Variants in SERPINA9 observed in about 807,000 individuals in gnomAD.
SERPINA9 encodes serpin family A member 9, also known as serpin A9.
SERPINA9 carries 32 observed loss-of-function variants against 24.5 expected under a neutral mutation model. The observed-to-expected ratio is 1.30, with a 90% CI of 0.98 to 1.75. The LOEUF is 1.75. SERPINA9 is among the 40% of genes most tolerant of loss of function. The pLI is 0.00. For synonymous variants in SERPINA9, 233 were observed against 197.7 expected (o/e 1.18, Z -1.50); for missense variants, 594 against 497.1 (o/e 1.19, Z -1.85).
At position 94,467,273 on chromosome 14, in the gene SERPINA9, G is replaced by A. The variant is rs200406674; in HGVS notation, c.738C>T (p.Phe246=). 1.8e-5 allele frequency: 29 copies of A among 1,613,996 alleles called. No individual in the cohort carries two copies. The highest frequency in any genetic ancestry group is 6.7e-5 in the Admixed American group (4 of 59,992). Residue 246 remains phenylalanine, a synonymous_variant, in exon 3 of 5, where the codon TTC becomes TTT. Coordinates refer to ENST00000674397, the MANE Select transcript of SERPINA9 (RefSeq NM_175739.4). ...HVPMMHQKEQ[F]AFGVDTELNC... ...TCAGCTCTGTATCCACCCCAAAAGC[G>A]AACTGCTCTTTCTGGTGCATCATGG...
chr14:94,474,704 C>T (rs1172534014), intron 1 of SERPINA9, among the ~76,000 whole-genome samples: 5 of 152,096 alleles, frequency 3.3e-5, no homozygotes, highest in Admixed American at 3.3e-4. Context: ...GAGCGTTCGG[C>T]CAGGGGGCAC....
chr14:94,470,291 AGATCT>A, intron 1 of SERPINA9: 1 of 786,950 alleles, frequency 1.3e-6, no homozygotes, highest in Non-Finnish European at 1.5e-6. Context: ...CATTTTGTGT[AGATCT>A]GATTATTTTC....
chr14:94,473,986 C>T (rs559204516), intron 1 of SERPINA9, among the ~76,000 whole-genome samples: 1 of 152,232 alleles, frequency 6.6e-6, no homozygotes, highest in Admixed American at 6.5e-5. Flanking sequence ...GGGCAGGAGA[C>T]CAAAGCTGCA....
Position 94,469,253 on chromosome 14 carries a change from A to G in SERPINA9, c.588T>C (p.Leu196=), listed in dbSNP as rs781156608. 1.2e-6 allele frequency: 2 copies of G among 1,613,866 alleles called. No homozygotes were observed. The highest frequency in any genetic ancestry group is 4.5e-5 in the East Asian group (2 of 44,898). The part of the protein sequence containing the change: ...KVVDIIQGLD[L]LTAMVLVNHI... ...GGTTCACCAGAACCATGGCCGTCAG[A>G]AGGTCAAGGCCTTGGATTATGTCTA... The change falls in exon 2 of 5, where the codon CTT becomes CTC. Residue 196 remains leucine (L), a synonymous_variant. Coordinates refer to ENST00000674397, the MANE Select transcript of SERPINA9 (RefSeq NM_175739.4).
chr14:94,475,258 C>T (rs1052777466), intron 1 of SERPINA9, among the ~76,000 whole-genome samples: 1 of 152,192 alleles, frequency 6.6e-6, no homozygotes, highest in Non-Finnish European at 1.5e-5. Context: ...GGGTTCCCAA[C>T]CACCAGCCTT....
chr14:94,469,194 C>A lies in SERPINA9; in HGVS notation c.628+19G>T, dbSNP rs375689508. 104 of 1,581,582 alleles carry A rather than the reference C, an allele frequency of 6.6e-5. No individual in the cohort carries two copies. The African/African-American group carries it at 1.2e-3, about 18-fold the overall frequency. The stretch of plus-strand genomic sequence containing the variant: ...CATCATAAAATAAATAAATAAAAAT[C>A]AACTTCTCAAATCCTTACCTTTAAA... On this transcript the variant is annotated intron_variant, in intron 2 of 4. Transcript: ENST00000674397.
At chr14:94,474,082 G>A (rs1264708185) in intron 1 of SERPINA9, among the ~76,000 whole-genome samples, 7 of 152,204 alleles carry the variant, frequency 4.6e-5, no homozygotes, top group Admixed American at 2.6e-4. Flanking sequence ...TCATGACCAT[G>A]GGAGAGGAGA....
At chr14:94,466,444 C>G (rs1204642327) in intron 3 of SERPINA9, among the ~76,000 whole-genome samples, 2 of 152,204 alleles carry the variant, frequency 1.3e-5, no homozygotes, top group Admixed American at 1.3e-4. Flanking sequence ...CTTCTCTCTT[C>G]CCAGACTATG....
intron 1 of SERPINA9, among the ~76,000 whole-genome samples, chr14:94,475,678 C>T (rs183835091): frequency 2.6e-5 from 4 of 152,298 alleles, no homozygotes; most frequent in Admixed American, 2.6e-4. Flanking sequence ...TATCTCTTCT[C>T]TCCATCTCAG....
intron 2 of SERPINA9, among the ~76,000 whole-genome samples, chr14:94,468,387 G>A (rs1414949149): frequency 6.6e-6 from 1 of 151,828 alleles, no homozygotes; most frequent in Admixed American, 6.6e-5. Flanking sequence ...GAGGGAGGAA[G>A]GAAGGGAAGG....
At chr14:94,464,394 G>A (rs1178547697) in intron 4 of SERPINA9, 1 of 460,090 alleles carries the variant, frequency 2.2e-6, no homozygotes, top group African/African-American at 2.0e-5. Flanking sequence ...TGATGCCTGT[G>A]TGAGGGCCTA....
chr14:94,463,608 T>C (rs1409607362), intron 4 of SERPINA9, among the ~76,000 whole-genome samples: 1 of 152,220 alleles, frequency 6.6e-6, no homozygotes, highest in African/African-American at 2.4e-5. Context: ...TAAAAGGTAA[T>C]AATAACTGCA....
In SERPINA9 at chr14:94,467,593, G is replaced by A. The variant is rs76390590; in HGVS notation, c.629-211C>T. Among the ~76,000 whole-genome samples, 693 of 152,302 alleles carry A rather than the reference G, an allele frequency of 4.6e-3. 7 individuals carry two copies. Among genetic ancestry groups the A allele is most frequent in the African/African-American group, 0.016 (659 of 41,558 alleles). On this transcript the variant is annotated intron_variant, in intron 2 of 4. Coordinates refer to ENST00000674397, the MANE Select transcript of SERPINA9 (RefSeq NM_175739.4). ...TGGTGAATTTTATGACATGTGAATTGTATTTCAATTAAAAATAGAATTAGT... is the reference window on the plus strand; with the variant it reads ...TGGTGAATTTTATGACATGTGAATTATATTTCAATTAAAAATAGAATTAGT...
chr14:94,475,964 A>G lies in SERPINA9; in HGVS notation c.-18+172T>C, dbSNP rs554472256. The G allele has an allele frequency of 6.7e-6, 6 of 892,496 alleles. No homozygotes were observed. The Admixed American group carries it at 7.0e-5, about 10-fold the overall frequency. 55.3% of individuals were successfully genotyped at this position (892,496 alleles called of 1,614,324 possible). On this transcript the variant is annotated intron_variant, in intron 1 of 4. Transcript: ENST00000674397. ...TGGTCCACTCCAGCCTGGCTTCTGT[A>G]TCCACAAAAATGTGACCCAGATGCT...
chr14:94,473,100 C>A (rs1339114409), intron 1 of SERPINA9, among the ~76,000 whole-genome samples: 1 of 152,218 alleles, frequency 6.6e-6, no homozygotes, highest in Non-Finnish European at 1.5e-5. Flanking sequence ...CTGTGTTCCT[C>A]ATTGCTCTAC....
Position 94,469,693 on chromosome 14 carries a change from C to T in SERPINA9, c.148G>A (p.Asp50Asn), listed in dbSNP as rs544061591. 77 of 1,611,762 alleles carry T rather than the reference C, an allele frequency of 4.8e-5. No individual in the cohort carries two copies. The East Asian group carries it at 9.6e-4, about 20-fold the overall frequency. ...CTGCGGTATAGGCGGAAGGCAAAGT[C>T]GGTGTTGAGGGAATACACCTGTGAG... ...PASQVYSLNT[D>N]FAFRLYRRLV... Residue 50 changes from aspartate (D) to asparagine (N), a missense_variant, in exon 2 of 5, where the codon GAC (aspartate) becomes AAC (asparagine). Coordinates refer to ENST00000674397, the MANE Select transcript of SERPINA9 (RefSeq NM_175739.4).
Position 94,467,490 on chromosome 14 carries a change from G to GC in SERPINA9, c.629-109_629-108insG. On this transcript the variant is annotated intron_variant, in intron 2 of 4. Coordinates refer to ENST00000674397, the MANE Select transcript of SERPINA9 (RefSeq NM_175739.4). ...TCTAGTGGGTATGAGGTTTCTTTTT[G>GC]AGGTGACAAAAAAATGCTCTGATAT... is the stretch of plus-strand genomic sequence containing the variant. The GC allele has an allele frequency of 2.9e-6, 3 of 1,050,296 alleles. 1 individual carries two copies. The highest frequency in any genetic ancestry group is 4.1e-6 in the Non-Finnish European group (3 of 733,916). 65.1% of individuals were successfully genotyped at this position (1,050,296 alleles called of 1,614,324 possible). A position where few individuals can be genotyped will look rare whatever the true frequency, so the allele number is the denominator to read the frequency against.
chr14:94,469,318 T>A lies in SERPINA9; in HGVS notation c.523A>T (p.Ile175Phe). 6.2e-7 allele frequency: 1 copy of A among 1,614,202 alleles called. No individual in the cohort carries two copies. The highest frequency in any genetic ancestry group is 8.5e-7 in the Non-Finnish European group (1 of 1,180,028). Residue 175 changes from isoleucine to phenylalanine, a missense_variant, in exon 2 of 5, where the codon ATC (isoleucine) becomes TTC (phenylalanine). By Grantham distance (21) the Ile-to-Phe change is conservative (BLOSUM62 0). Coordinates refer to ENST00000674397, the MANE Select transcript of SERPINA9 (RefSeq NM_175739.4). Reference sequence around the variant, plus strand: ...GTCTTCTTTTTCACATGGCTGTTGATCCTCGCCTGGGCAATGGAGGGGTTG... The same window carrying A: ...GTCTTCTTTTTCACATGGCTGTTGAACCTCGCCTGGGCAATGGAGGGGTTG... Reference protein sequence around the residue: ...FSNPSIAQARINSHVKKKTQG... With the variant: ...FSNPSIAQARFNSHVKKKTQG...
chr14:94,472,230 T>A (rs1057506569), intron 1 of SERPINA9, among the ~76,000 whole-genome samples: 1 of 152,054 alleles, frequency 6.6e-6, no homozygotes, highest in Non-Finnish European at 1.5e-5. Context: ...AGGGTCCACC[T>A]CCCTCCCTTC....
Sources: gnomAD v4.1 joint callset for allele counts (sites outside exome capture counted in the v4.1 genomes callset) on GRCh38, gnomAD v4.1.1 for gene constraint, MANE v1.5 for transcripts, NCBI Gene and HGNC (gene_info 2026-07-23, HGNC 2026-07-21) for gene names.